KAZN: variants seen among roughly 807,000 people sequenced by gnomAD.
KAZN encodes the protein kazrin, periplakin interacting protein.
A neutral mutation model predicts 87.4 loss-of-function variants in KAZN; 40 were observed. The ratio of observed to expected loss-of-function variants is 0.46; its 90% CI spans 0.36 to 0.60. KAZN has a LOEUF of 0.60. KAZN is among the 20% of genes least tolerant of loss of function. The pLI is 0.00. For synonymous variants in KAZN, 466 were observed against 458.3 expected (o/e 1.02, Z -0.22); for missense variants, 898 against 1,073.9 (o/e 0.84, Z 2.29).
chr1:15,044,248 G>A, intron 4 of KAZN, 89 bp downstream of exon 4: 1 of 456,374 alleles, frequency 2.2e-6, no homozygotes, highest in Non-Finnish European at 3.4e-6. Context: ...TCACATCGGA[G>A]ACCTAGGGTG....
At chr1:14,052,590 T>C (rs1202468734) in intron 1 of KAZN, among the ~76,000 whole-genome samples, 2 of 150,920 alleles carry the variant, frequency 1.3e-5, no homozygotes. Flanking sequence ...TTGCACTGTG[T>C]GCTATGTGGG....
chr1:15,108,177 C>G (rs1205292056), intron 13 of KAZN, among the ~76,000 whole-genome samples: 1 of 152,216 alleles, frequency 6.6e-6, no homozygotes, highest in Non-Finnish European at 1.5e-5. Context: ...GGCTGACAGG[C>G]TTCCCAAGAC....
At chr1:14,259,153 G>A (rs10928056) in intron 2 of KAZN, among the ~76,000 whole-genome samples, 12,113 of 151,876 alleles carry the variant, frequency 0.08, 972 homozygotes, top group East Asian at 0.37. Context: ...GGTGGCTCAC[G>A]TGGCTAGGCA....
intron 1 of KAZN, among the ~76,000 whole-genome samples, chr1:14,665,946 A>ATAAAT (rs1037787458): frequency 4.6e-5 from 7 of 151,888 alleles, no homozygotes; most frequent in African/African-American, 1.5e-4. Context: ...AAAAAAAAAA[A>ATAAAT]AAAAAAATAA....
At chr1:14,069,837 C>T (rs1023121343) in intron 1 of KAZN, among the ~76,000 whole-genome samples, 4 of 152,104 alleles carry the variant, frequency 2.6e-5, no homozygotes, top group South Asian at 4.1e-4. Context: ...GGGCCACTTG[C>T]GTATTGCTCT....
At chr1:14,021,505 C>A (rs1262470653) in intron 1 of KAZN, among the ~76,000 whole-genome samples, 1 of 152,144 alleles carries the variant, frequency 6.6e-6, no homozygotes, top group Non-Finnish European at 1.5e-5. Context: ...TCAAAATCCC[C>A]TTGACAGCTA....
chr1:14,945,757 T>C (rs559699470), intron 1 of KAZN, among the ~76,000 whole-genome samples: 1 of 152,212 alleles, frequency 6.6e-6, no homozygotes, highest in Non-Finnish European at 1.5e-5. Context: ...GTGAGTTATA[T>C]GGATTTGTGA....
chr1:14,648,293 T>G (rs1285990518), intron 1 of KAZN, among the ~76,000 whole-genome samples: 1 of 152,250 alleles, frequency 6.6e-6, no homozygotes, highest in Non-Finnish European at 1.5e-5. Flanking sequence ...ATCAACTTTC[T>G]TGTATGTTTC....
At chr1:14,771,033 C>T (rs151200562) in intron 1 of KAZN, among the ~76,000 whole-genome samples, 1 of 152,124 alleles carries the variant, frequency 6.6e-6, no homozygotes, top group Non-Finnish European at 1.5e-5. Flanking sequence ...TTCGGGACAC[C>T]CATCCATGTG....
intron 2 of KAZN, among the ~76,000 whole-genome samples, chr1:14,472,860 T>C (rs545058041): frequency 2.6e-4 from 39 of 152,170 alleles, no homozygotes; most frequent in Non-Finnish European, 5.1e-4. Flanking sequence ...CTGGGTGCTA[T>C]AGAAGAGATA....
intron 2 of KAZN, among the ~76,000 whole-genome samples, chr1:14,216,402 A>G (rs1646957515): frequency 6.6e-6 from 1 of 152,216 alleles, no homozygotes; most frequent in Non-Finnish European, 1.5e-5. Context: ...ACTGAGGACA[A>G]ACTGTTGAGA....
chr1:14,139,425 C>T (rs748331517), intron 1 of KAZN, among the ~76,000 whole-genome samples: 2 of 152,200 alleles, frequency 1.3e-5, no homozygotes, highest in Non-Finnish European at 2.9e-5. Flanking sequence ...TCACATCACA[C>T]GTATAGCTTA....
intron 1 of KAZN, among the ~76,000 whole-genome samples, chr1:14,114,046 C>T (rs1313576049): frequency 6.6e-6 from 1 of 152,194 alleles, no homozygotes; most frequent in Admixed American, 6.5e-5. Flanking sequence ...TCTCTCACAG[C>T]TCAATGAGTC....
At chr1:14,929,664 G>A (rs371454587) in intron 1 of KAZN, 1 of 622,542 alleles carries the variant, frequency 1.6e-6, no homozygotes, top group Non-Finnish European at 2.0e-6. Context: ...CGTGTTTGCT[G>A]TGAGTCACTA....
chr1:14,579,379 A>G (rs1433721635), intron 2 of KAZN, among the ~76,000 whole-genome samples: 1 of 152,014 alleles, frequency 6.6e-6, no homozygotes, highest in African/African-American at 2.4e-5. Flanking sequence ...TAATCCCAGC[A>G]CTTTGGGAGG....
At chr1:14,783,206 C>G (rs1457201083) in intron 1 of KAZN, among the ~76,000 whole-genome samples, 1 of 152,112 alleles carries the variant, frequency 6.6e-6, no homozygotes, top group East Asian at 1.9e-4. Context: ...AATGCCATTT[C>G]CAGCACCTAA....
At chr1:14,370,080 G>A (rs573480249) in intron 2 of KAZN, among the ~76,000 whole-genome samples, 6 of 152,172 alleles carry the variant, frequency 3.9e-5, no homozygotes, top group Non-Finnish European at 7.3e-5. Context: ...CACCAAGAGG[G>A]TTAGACAAAA....
intron 2 of KAZN, among the ~76,000 whole-genome samples, chr1:14,337,809 G>A (rs1557648286): frequency 6.6e-6 from 1 of 150,668 alleles, no homozygotes; most frequent in East Asian, 2.0e-4. Flanking sequence ...CAGGATAATC[G>A]CTTGAACTCA....
At chr1:14,853,631 C>A (rs1250642765) in intron 1 of KAZN, among the ~76,000 whole-genome samples, 1 of 152,156 alleles carries the variant, frequency 6.6e-6, no homozygotes, top group African/African-American at 2.4e-5. Flanking sequence ...GAACAAAGTG[C>A]AGCAGTGCCC....
Sources: gnomAD v4.1 joint callset for allele counts (sites outside exome capture counted in the v4.1 genomes callset) on GRCh38, gnomAD v4.1.1 for gene constraint, MANE v1.5 for transcripts, NCBI Gene and HGNC (gene_info 2026-07-23, HGNC 2026-07-21) for gene names.